The following TNRC6A variants were observed in gnomAD, a reference collection of about 807,000 sequenced individuals.
The protein encoded by TNRC6A is trinucleotide repeat-containing gene 6A protein.
In TNRC6A, 44 loss-of-function variants were observed where a neutral mutation model predicts 221.2. The ratio of observed to expected loss-of-function variants is 0.20; its 90% CI spans 0.16 to 0.26. The LOEUF (loss-of-function observed/expected upper bound fraction) is 0.26, where lower values mean the gene tolerates loss of function less well. Ranked by LOEUF, TNRC6A falls within the 10% of genes least tolerant of loss-of-function variation. The pLI is 1.00. For synonymous variants in TNRC6A, 847 were observed against 838.5 expected, an observed-to-expected ratio of 1.01 and a Z score of -0.18; for missense variants, 2,199 against 2,404.4, an observed-to-expected ratio of 0.91 and a Z score of 1.79.
At chr16:24,672,428 CTTTG>C (rs1396786990) in intron 2 of TNRC6A, among the ~76,000 whole-genome samples, 1 of 149,924 alleles carries the variant, frequency 6.7e-6, no homozygotes, top group East Asian at 2.0e-4. Flanking sequence ...GCGCCTGGCC[CTTTG>C]TTTATTTTTT....
chr16:24,770,855 T>G (rs934471243), intron 4 of TNRC6A, among the ~76,000 whole-genome samples: 1 of 152,252 alleles, frequency 6.6e-6, no homozygotes, highest in Non-Finnish European at 1.5e-5. Context: ...GAAGTTTACC[T>G]GAGGACAGGA....
intron 18 of TNRC6A, among the ~76,000 whole-genome samples, chr16:24,814,420 T>TC: frequency 6.9e-6 from 1 of 144,474 alleles, no homozygotes; most frequent in African/African-American, 2.6e-5. Context: ...TTTTTTTTTT[T>TC]TTTTTTGGAG....
rs953974550 is a variant in TNRC6A, at chr16:24,809,640, T to C, written c.4672+159T>C. The C allele has an allele frequency of 5.8e-6, 5 of 862,136 alleles. No homozygotes were observed. In the African/African-American group the frequency reaches 8.6e-5, roughly 15 times the overall value. 53.4% of individuals were successfully genotyped at this position (862,136 alleles called of 1,614,324 possible). On this transcript the variant is annotated intron_variant, in intron 18 of 24. Transcript: ENST00000395799. ...AGTTGTTATTAAGTCTTAGTTACAA[T>C]AAGAGACTTTCAGATGAAAAGCAGA...
At chr16:24,730,144 C>G (rs1292878954) in intron 1 of TNRC6A, 109 bp from the exon 2 acceptor site, 1 of 1,109,622 alleles carries the variant, frequency 9.0e-7, no homozygotes, top group Non-Finnish European at 1.2e-6. Flanking sequence ...TCTCCCCTCC[C>G]CCATCCGGCC....
intron 18 of TNRC6A, among the ~76,000 whole-genome samples, chr16:24,812,462 G>A (rs1377068753): frequency 6.6e-6 from 1 of 152,146 alleles, no homozygotes; most frequent in East Asian, 1.9e-4. Context: ...AATTGACTCT[G>A]TTATTCCAGT....
At chr16:24,690,969 G>A (rs1237324016) in intron 2 of TNRC6A, among the ~76,000 whole-genome samples, 10 of 151,888 alleles carry the variant, frequency 6.6e-5, no homozygotes, top group African/African-American at 9.7e-5. Context: ...CACCACGCCC[G>A]GCTAATTTTT....
chr16:24,742,350 G>T (rs186234404), intron 2 of TNRC6A, among the ~76,000 whole-genome samples: 4 of 152,314 alleles, frequency 2.6e-5, no homozygotes, highest in Admixed American at 1.3e-4. Context: ...GGACCCAGGG[G>T]TCTTCACTGC....
At chr16:24,762,491 T>C (rs2057384960) in intron 4 of TNRC6A, among the ~76,000 whole-genome samples, 1 of 152,178 alleles carries the variant, frequency 6.6e-6, no homozygotes, top group South Asian at 2.1e-4. Flanking sequence ...CAGAACAGGG[T>C]CCTGAAAGCT....
At chr16:24,688,940 G>T (rs917201960) in intron 2 of TNRC6A, among the ~76,000 whole-genome samples, 5 of 152,156 alleles carry the variant, frequency 3.3e-5, no homozygotes, top group African/African-American at 4.8e-5. Flanking sequence ...AGTGGCTCAT[G>T]CCTGTAACCC....
chr16:24,677,721 G>T (rs1168682761), intron 2 of TNRC6A, among the ~76,000 whole-genome samples: 1 of 152,172 alleles, frequency 6.6e-6, no homozygotes, highest in African/African-American at 2.4e-5. Context: ...AGCTTTGTCT[G>T]TCTTGTTCCC....
intron 11 of TNRC6A, chr16:24,803,588 T>C (rs1011791609): frequency 6.6e-6 from 1 of 152,204 alleles, no homozygotes; most frequent in African/African-American, 2.4e-5. Flanking sequence ...GTGCCTTAAG[T>C]TATGTAACCT....
At chr16:24,677,945 T>A (rs936834207) in intron 2 of TNRC6A, among the ~76,000 whole-genome samples, 4 of 152,164 alleles carry the variant, frequency 2.6e-5, no homozygotes, top group African/African-American at 9.7e-5. Context: ...TGCCTTTTGA[T>A]ATTCATACGC....
chr16:24,685,349 G>A (rs1267734857), intron 2 of TNRC6A, among the ~76,000 whole-genome samples: 4 of 151,882 alleles, frequency 2.6e-5, no homozygotes, highest in Non-Finnish European at 4.4e-5. Context: ...TGGCAGAAAG[G>A]GGAGAGACAA....
At chr16:24,756,451 C>T (rs1167955823) in intron 3 of TNRC6A, among the ~76,000 whole-genome samples, 2 of 152,142 alleles carry the variant, frequency 1.3e-5, no homozygotes, top group Non-Finnish European at 2.9e-5. Context: ...CTCTTGGTTT[C>T]TATACTACTA....
intron 1 of TNRC6A, among the ~76,000 whole-genome samples, chr16:24,621,189 T>TA (rs1239932588): frequency 3.3e-5 from 5 of 151,234 alleles, no homozygotes; most frequent in East Asian, 1.9e-4. Flanking sequence ...AAAATAATTT[T>TA]AAAAAAAACA....
chr16:24,819,816 G>A, intron 21 of TNRC6A: 1 of 291,906 alleles, frequency 3.4e-6, no homozygotes, highest in Middle Eastern at 1.2e-3. Flanking sequence ...CTCAATTACG[G>A]TTATTAAGAA....
chr16:24,793,549 C>T lies in TNRC6A; in HGVS notation c.3252C>T (p.Pro1084=). The T allele has an allele frequency of 6.3e-7, 1 of 1,575,200 alleles. No homozygotes were observed. The highest frequency in any genetic ancestry group is 8.6e-7 in the Non-Finnish European group (1 of 1,159,892). Residue 1084 remains proline, a synonymous_variant, in exon 7 of 25, where the codon CCC becomes CCT. Transcript: ENST00000395799. ...VDNGTSAWGK[P]IDSGPSWGEP... is the part of the protein sequence containing the mutation. ...ATGGTACTTCAGCATGGGGTAAGCC[C>T]ATAGACAGTGGTCCCAGCTGGGGGG...
At chr16:24,645,886 G>A (rs1902262272) in intron 2 of TNRC6A, among the ~76,000 whole-genome samples, 1 of 137,184 alleles carries the variant, frequency 7.3e-6, no homozygotes, top group African/African-American at 2.8e-5. Flanking sequence ...CCATGATGGT[G>A]CGTGCATCTG....
intron 2 of TNRC6A, among the ~76,000 whole-genome samples, chr16:24,696,728 C>CAAAAAAA (rs1251210834): frequency 5.3e-4 from 24 of 45,144 alleles, no homozygotes; most frequent in African/African-American, 1.8e-3. Context: ...GACCCTGTCT[C>CAAAAAAA]AAAAAAAAAA....
Sources: gnomAD v4.1 joint callset for allele counts (sites outside exome capture counted in the v4.1 genomes callset) on GRCh38, gnomAD v4.1.1 for gene constraint, MANE v1.5 for transcripts, NCBI Gene and HGNC (gene_info 2026-07-23, HGNC 2026-07-21) for gene names.